The following ARHGAP31 variants were observed in gnomAD, a reference collection of about 807,000 sequenced individuals.
ARHGAP31 encodes the protein rho GTPase-activating protein 31.
Under a neutral mutation model 113.9 loss-of-function variants are expected in ARHGAP31, and 34 were observed. The observed-to-expected ratio is 0.30, with a 90% CI of 0.23 to 0.40. The LOEUF (loss-of-function observed/expected upper bound fraction) is 0.40, where lower values mean the gene tolerates loss of function less well. ARHGAP31 is among the 10% of genes least tolerant of loss of function. ARHGAP31 has a pLI of 1.00. For missense variants in ARHGAP31, 1,548 were observed against 1,767.1 expected (o/e 0.88, Z 2.22); for synonymous variants, 650 against 684.8 (o/e 0.95, Z 0.79).
At chr3:119,370,556 C>T (rs531588005) in intron 3 of ARHGAP31, among the ~76,000 whole-genome samples, 3 of 152,278 alleles carry the variant, frequency 2.0e-5, no homozygotes, top group Non-Finnish European at 4.4e-5. Flanking sequence ...TTAACTATAT[C>T]TGTAGTAATA....
chr3:119,300,965 T>G (rs2079578968), intron 1 of ARHGAP31, among the ~76,000 whole-genome samples: 1 of 152,100 alleles, frequency 6.6e-6, no homozygotes, highest in Non-Finnish European at 1.5e-5. Flanking sequence ...TTCGTGGGCT[T>G]AAGTTTAGAG....
At chr3:119,380,685 G>A (rs1410350665) in intron 3 of ARHGAP31, among the ~76,000 whole-genome samples, 1 of 151,878 alleles carries the variant, frequency 6.6e-6, no homozygotes, top group African/African-American at 2.4e-5. Flanking sequence ...GCAGCCCACC[G>A]CCTGCTGTGC....
chr3:119,320,678 A>T (rs1199021637), intron 1 of ARHGAP31, among the ~76,000 whole-genome samples: 7 of 152,328 alleles, frequency 4.6e-5, no homozygotes, highest in African/African-American at 1.4e-4. Flanking sequence ...TCACCAATCA[A>T]GAATCAGCTG....
chr3:119,386,343 C>T (rs77807510), intron 6 of ARHGAP31, among the ~76,000 whole-genome samples: 5,066 of 152,238 alleles, frequency 0.033, 162 homozygotes, highest in East Asian at 0.15. Flanking sequence ...ATTTCAAGAT[C>T]CAAGGGCCGG....
At chr3:119,375,990 T>A (rs62266690) in intron 3 of ARHGAP31, among the ~76,000 whole-genome samples, 16,105 of 152,224 alleles carry the variant, frequency 0.11, 923 homozygotes, top group Middle Eastern at 0.16. Flanking sequence ...TAGCTAGAGC[T>A]ACAGGCGTAT....
intron 1 of ARHGAP31, among the ~76,000 whole-genome samples, chr3:119,325,845 A>G (rs2079836912): frequency 1.3e-5 from 2 of 152,298 alleles, no homozygotes; most frequent in East Asian, 1.9e-4. Context: ...GCTGTCACCC[A>G]TACTGATTAA....
intron 1 of ARHGAP31, among the ~76,000 whole-genome samples, chr3:119,308,242 G>A (rs1320830534): frequency 2.0e-5 from 3 of 152,222 alleles, no homozygotes; most frequent in Non-Finnish European, 4.4e-5. Context: ...GGGTTGTGGT[G>A]TTTGTTGTCC....
rs2080799306 is a variant in ARHGAP31, at chr3:119,418,699, TC to T, written c.*2436del. ...GTGGATTTATAAAATGGTTGCAAGATCTTTTAGACTCTGACATTTATAGCAT... is the reference window on the plus strand; with the variant it reads ...GTGGATTTATAAAATGGTTGCAAGATTTTTAGACTCTGACATTTATAGCAT... On this transcript the variant is annotated 3_prime_UTR_variant, in exon 12 of 12. Transcript: ENST00000264245. The T allele has an allele frequency of 6.6e-6, 1 of 152,234 alleles. No homozygotes were observed. Among genetic ancestry groups the T allele is most frequent in the African/African-American group, 2.4e-5 (1 of 41,468 alleles). 9.4% of individuals were successfully genotyped at this position (152,234 alleles called of 1,614,324 possible).
chr3:119,327,217 TA>T (rs2079853132), intron 1 of ARHGAP31, among the ~76,000 whole-genome samples: 1 of 152,088 alleles, frequency 6.6e-6, no homozygotes, highest in African/African-American at 2.4e-5. Context: ...TTTATTTAAA[TA>T]GAATTTAAAG....
chr3:119,364,441 T>C (rs2080237137), intron 1 of ARHGAP31, among the ~76,000 whole-genome samples: 1 of 152,210 alleles, frequency 6.6e-6, no homozygotes, highest in South Asian at 2.1e-4. Flanking sequence ...TTCCAATGTA[T>C]TAATTATTTT....
chr3:119,360,853 G>C (rs77113029), intron 1 of ARHGAP31, among the ~76,000 whole-genome samples: 4,825 of 152,244 alleles, frequency 0.032, 116 homozygotes, highest in East Asian at 0.11. Flanking sequence ...ATTCTAAGAA[G>C]CTATGATATT....
chr3:119,371,453 T>G (rs1020771731), intron 3 of ARHGAP31, among the ~76,000 whole-genome samples: 1 of 152,246 alleles, frequency 6.6e-6, no homozygotes, highest in African/African-American at 2.4e-5. Flanking sequence ...AGGGATGTTT[T>G]GTTATGACAA....
intron 1 of ARHGAP31, among the ~76,000 whole-genome samples, chr3:119,365,001 A>T (rs766514662): frequency 2.6e-5 from 4 of 152,094 alleles, no homozygotes; most frequent in Non-Finnish European, 4.4e-5. Context: ...GTCTGAGGCA[A>T]GAGAATTGCT....
intron 1 of ARHGAP31, among the ~76,000 whole-genome samples, chr3:119,355,141 G>A (rs537859912): frequency 6.6e-6 from 1 of 152,280 alleles, no homozygotes; most frequent in African/African-American, 2.4e-5. Flanking sequence ...GAAAAAGCAT[G>A]GGCTTTGGCA....
At position 119,416,533 on chromosome 3, in the gene ARHGAP31, A is replaced by G. The variant is rs74767080; in HGVS notation, c.*269A>G. 3,775 of 484,388 alleles carry G rather than the reference A, an allele frequency of 7.8e-3. 102 individuals are homozygous for G. The highest frequency in any genetic ancestry group is 0.064 in the African/African-American group (3,281 of 51,254). The allele number at this position is 484,388 out of a possible 1,614,324, so 30.0% of individuals were successfully genotyped here. On this transcript the variant is annotated 3_prime_UTR_variant, in exon 12 of 12. Coordinates refer to ENST00000264245, the MANE Select transcript of ARHGAP31 (RefSeq NM_020754.4). ...GGAGAGGATGGAATGCTTGCCTCCA[A>G]TGAACTTTGGAGCTTGTATGTGAGT...
chr3:119,336,690 G>A (rs1462979206), intron 1 of ARHGAP31, among the ~76,000 whole-genome samples: 1 of 151,454 alleles, frequency 6.6e-6, no homozygotes, highest in Non-Finnish European at 1.5e-5. Flanking sequence ...CCTATTTAAA[G>A]TATACAAGTC....
chr3:119,394,174 G>C (rs1230460208), intron 8 of ARHGAP31, among the ~76,000 whole-genome samples: 1 of 152,226 alleles, frequency 6.6e-6, no homozygotes. Context: ...GTTATATTAG[G>C]AGGTACATGA....
intron 3 of ARHGAP31, among the ~76,000 whole-genome samples, 181 bp from the exon 4 acceptor site, chr3:119,380,723 C>G (rs1358695283): frequency 1.3e-5 from 2 of 152,144 alleles, no homozygotes. Flanking sequence ...GCACACACAT[C>G]CAGAACCAAC....
intron 1 of ARHGAP31, among the ~76,000 whole-genome samples, chr3:119,333,612 G>A (rs1475743628): frequency 6.6e-6 from 1 of 152,110 alleles, no homozygotes; most frequent in East Asian, 1.9e-4. Flanking sequence ...TTTGTAATCC[G>A]TGCCTCCCCA....
Sources: allele counts gnomAD v4.1 joint callset (sites outside exome capture counted in the v4.1 genomes callset), GRCh38; gene constraint gnomAD v4.1.1; transcripts MANE v1.5; gene names NCBI Gene and HGNC (gene_info 2026-07-23, HGNC 2026-07-21).